Variants in SEMA6D observed in about 807,000 individuals in gnomAD.
SEMA6D encodes semaphorin-6D.
In SEMA6D, 35 loss-of-function variants were observed where a neutral mutation model predicts 106.6. The ratio of observed to expected loss-of-function variants is 0.33; its 90% CI spans 0.25 to 0.44. The LOEUF is 0.44. Ranked by LOEUF, SEMA6D falls within the 20% of genes least tolerant of loss-of-function variation. SEMA6D has a pLI of 1.00. For missense variants in SEMA6D, 1,185 were observed against 1,345.9 expected, an observed-to-expected ratio of 0.88 and a Z score of 1.87; for synonymous variants, 499 against 487.7, an observed-to-expected ratio of 1.02 and a Z score of -0.31.
chr15:47,660,096 A>G (rs936967432), intron 4 of SEMA6D, among the ~76,000 whole-genome samples: 2 of 151,990 alleles, frequency 1.3e-5, no homozygotes, highest in Non-Finnish European at 2.9e-5. Context: ...AAGACAAAGT[A>G]AGAATATTAA....
chr15:47,620,389 C>T (rs570489107), intron 4 of SEMA6D, among the ~76,000 whole-genome samples: 1 of 152,352 alleles, frequency 6.6e-6, no homozygotes, highest in South Asian at 2.1e-4. Flanking sequence ...TCTGCTTCAG[C>T]ATGTCAGCAC....
At chr15:47,529,761 G>A (rs2044892043) in intron 3 of SEMA6D, among the ~76,000 whole-genome samples, 1 of 152,178 alleles carries the variant, frequency 6.6e-6, no homozygotes, top group South Asian at 2.1e-4. Flanking sequence ...ACCTTGTGGA[G>A]ATGTTAGGGA....
chr15:47,358,312 C>A (rs552890569), intron 1 of SEMA6D, among the ~76,000 whole-genome samples: 1 of 151,966 alleles, frequency 6.6e-6, no homozygotes, highest in African/African-American at 2.4e-5. Flanking sequence ...ATGATAACTA[C>A]CATTTATTTA....
intron 1 of SEMA6D, among the ~76,000 whole-genome samples, chr15:47,346,432 A>T (rs558759143): frequency 7.9e-5 from 12 of 152,186 alleles, no homozygotes; most frequent in Non-Finnish European, 1.6e-4. Flanking sequence ...CAAGAAGCTT[A>T]AATTTAATCC....
chr15:47,330,726 T>A (rs659557), intron 1 of SEMA6D, among the ~76,000 whole-genome samples: 49,075 of 152,072 alleles, frequency 0.32, 9,516 homozygotes, highest in East Asian at 0.55. Context: ...CAAGAAAGAA[T>A]GTTGTGGGAT....
intron 4 of SEMA6D, among the ~76,000 whole-genome samples, chr15:47,652,436 C>A (rs1231170033): frequency 6.6e-6 from 1 of 152,128 alleles, no homozygotes; most frequent in Non-Finnish European, 1.5e-5. Flanking sequence ...CTGTGCTAGT[C>A]TCTGGAATTC....
intron 1 of SEMA6D, chr15:47,395,534 G>A (rs770668649): frequency 2.6e-5 from 4 of 152,032 alleles, no homozygotes; most frequent in Non-Finnish European, 2.9e-5. Flanking sequence ...ATTTTGAAAG[G>A]AAAAGAAAAC....
At chr15:47,539,536 T>C (rs550839653) in intron 3 of SEMA6D, among the ~76,000 whole-genome samples, 1 of 152,182 alleles carries the variant, frequency 6.6e-6, no homozygotes, top group East Asian at 1.9e-4. Context: ...GCGATTCTCC[T>C]GCCTCATTCT....
At chr15:47,297,806 T>C (rs558940890) in intron 1 of SEMA6D, among the ~76,000 whole-genome samples, 11 of 152,226 alleles carry the variant, frequency 7.2e-5, no homozygotes, top group African/African-American at 2.6e-4. Flanking sequence ...AGGGGTCATT[T>C]AAGGTGAATA....
At chr15:47,593,548 A>G (rs1338986456) in intron 3 of SEMA6D, among the ~76,000 whole-genome samples, 1 of 152,104 alleles carries the variant, frequency 6.6e-6, no homozygotes, top group African/African-American at 2.4e-5. Context: ...CAGAAAAAAA[A>G]AAGCTTCAAA....
chr15:47,264,341 G>T (rs1264866832), intron 1 of SEMA6D, among the ~76,000 whole-genome samples: 10 of 148,824 alleles, frequency 6.7e-5, no homozygotes, highest in East Asian at 2.0e-4. Flanking sequence ...AATTTAAAAG[G>T]TTTTTTTTTT....
intron 1 of SEMA6D, among the ~76,000 whole-genome samples, chr15:47,378,028 T>A (rs190764463): frequency 2.8e-4 from 42 of 152,316 alleles, no homozygotes; most frequent in African/African-American, 9.9e-4. Context: ...AAGCCCATAC[T>A]TGAACCGTGA....
At chr15:47,583,374 G>T (rs1373161236) in intron 3 of SEMA6D, among the ~76,000 whole-genome samples, 1 of 152,154 alleles carries the variant, frequency 6.6e-6, no homozygotes, top group Non-Finnish European at 1.5e-5. Flanking sequence ...CTGCTCCTTA[G>T]AGTCTGGCCT....
chr15:47,381,178 A>G (rs1330045638), intron 1 of SEMA6D, among the ~76,000 whole-genome samples: 1 of 152,248 alleles, frequency 6.6e-6, no homozygotes, highest in Admixed American at 6.5e-5. Flanking sequence ...CTATGTCTAC[A>G]TGGCAAAAAT....
intron 1 of SEMA6D, among the ~76,000 whole-genome samples, chr15:47,757,579 C>T (rs586118): frequency 0.49 from 74,863 of 151,884 alleles, 21,375 homozygotes; most frequent in African/African-American, 0.78. Context: ...CAAATCATTG[C>T]GGTTGTTGAG....
At chr15:47,674,707 G>A (rs913492839) in intron 4 of SEMA6D, among the ~76,000 whole-genome samples, 7 of 152,118 alleles carry the variant, frequency 4.6e-5, no homozygotes, top group Admixed American at 6.5e-5. Context: ...GCAAGCTTAG[G>A]GGAAAGGGCT....
At chr15:47,494,772 AT>A (rs2043592424) in intron 3 of SEMA6D, among the ~76,000 whole-genome samples, 2 of 95,488 alleles carry the variant, frequency 2.1e-5, no homozygotes, top group African/African-American at 9.3e-5. Context: ...ATATATATAT[AT>A]ATATATATAT....
intron 1 of SEMA6D, among the ~76,000 whole-genome samples, chr15:47,329,038 C>G (rs2037238814): frequency 2.6e-5 from 4 of 151,558 alleles, no homozygotes; most frequent in African/African-American, 7.3e-5. Context: ...GAAGATAAAG[C>G]TTATTCATTC....
In SEMA6D at chr15:47,558,372, A is replaced by G. The variant is rs117657803; in HGVS notation, c.-86-42493A>G. 5.9e-4 allele frequency among the ~76,000 whole-genome samples: 90 copies of G among 152,184 alleles called. 3 individuals are homozygous for G. In the East Asian group the frequency reaches 0.011, roughly 19 times the overall value. On this transcript the variant is annotated intron_variant, in intron 3 of 19. Coordinates refer to the SEMA6D transcript ENST00000558014. ...TGTCTGAAGCTGATGCTCATATTTAATAGCAAAAGTCATGTACATAAAGAG... is the reference window on the plus strand; with the variant it reads ...TGTCTGAAGCTGATGCTCATATTTAGTAGCAAAAGTCATGTACATAAAGAG...
Sources: allele counts gnomAD v4.1 joint callset (sites outside exome capture counted in the v4.1 genomes callset), GRCh38; gene constraint gnomAD v4.1.1; transcripts MANE v1.5; gene names NCBI Gene and HGNC (gene_info 2026-07-23, HGNC 2026-07-21).